PHF8: variants seen among roughly 807,000 people sequenced by gnomAD.
The protein encoded by PHF8 is histone lysine demethylase PHF8.
PHF8 carries 9 observed loss-of-function variants against 74.4 expected under a neutral mutation model. That is an observed-to-expected ratio of 0.12 (90% confidence interval 0.07 to 0.21). The LOEUF (loss-of-function observed/expected upper bound fraction) is 0.21, where lower values mean the gene tolerates loss of function less well. Ranked by LOEUF, PHF8 falls within the 10% of genes least tolerant of loss-of-function variation. The pLI is 1.00. For synonymous variants in PHF8, 311 were observed against 316.6 expected, an observed-to-expected ratio of 0.98 and a Z score of 0.19; for missense variants, 478 against 816.6, an observed-to-expected ratio of 0.59 and a Z score of 5.05.
At chrX:54,031,978 G>A (rs1408358036) in intron 2 of PHF8, among the ~76,000 whole-genome samples, 2 of 110,740 alleles carry the variant, frequency 1.8e-5, no homozygotes, top group Non-Finnish European at 3.8e-5. Flanking sequence ...GCTGGTCCAG[G>A]GACCACACTT....
chrX:54,012,780 A>G (rs2066001823), intron 7 of PHF8, among the ~76,000 whole-genome samples: 1 of 109,815 alleles, frequency 9.1e-6, no homozygotes, highest in South Asian at 3.9e-4. Context: ...TACAAAAATA[A>G]TTTTTTTTAA....
intron 2 of PHF8, among the ~76,000 whole-genome samples, chrX:54,032,076 C>T (rs781807779): frequency 1.1e-3 from 123 of 111,633 alleles, no homozygotes; most frequent in Admixed American, 1.9e-3. Context: ...AGAGCCAAAA[C>T]CTAAATCAGA....
At position 53,939,227 on chromosome X, in the gene PHF8, G is replaced by A; in HGVS notation, c.3006C>T (p.Gly1002=). The A allele has an allele frequency of 8.3e-7, 1 of 1,208,974 alleles. No individual in the cohort carries two copies. The highest frequency in any genetic ancestry group is 2.2e-5 in the Admixed American group (1 of 45,926). ...QAGQGKRPKK[G]LATAKQRLGR... ...CGAGTCTCTGCTTTGCTGTGGCCAGGCCCTTTTTGGGACGCTTTCCTGTGG... is the reference window on the plus strand; with the variant it reads ...CGAGTCTCTGCTTTGCTGTGGCCAGACCCTTTTTGGGACGCTTTCCTGTGG... Residue 1002 remains glycine, a synonymous_variant, in exon 22 of 22, where the codon GGC becomes GGT. Coordinates refer to ENST00000338154, the MANE Select transcript of PHF8 (RefSeq NM_015107.3).
chrX:53,985,448 C>T (rs1425491521), intron 17 of PHF8, among the ~76,000 whole-genome samples: 2 of 111,390 alleles, frequency 1.8e-5, no homozygotes, highest in Non-Finnish European at 3.8e-5. Flanking sequence ...TGTTGTCTCT[C>T]CACAGACAGC....
chrX:53,936,897 C>G lies in PHF8; in HGVS notation c.*2261G>C, dbSNP rs782462774. 124 of 111,033 alleles carry G rather than the reference C, an allele frequency of 1.1e-3. No homozygotes were observed. Among genetic ancestry groups the G allele is most frequent in the African/African-American group, 3.9e-3 (118 of 30,491 alleles). The allele number at this position is 111,033 out of a possible 1,213,427, so 9.2% of individuals were successfully genotyped here. Reference sequence around the variant, plus strand: ...TTTAGACATGTACAGAAGCGGTGGGCTTGTTTTTAAATTGTTTGCTTTTTT... The same window carrying G: ...TTTAGACATGTACAGAAGCGGTGGGGTTGTTTTTAAATTGTTTGCTTTTTT... On this transcript the variant is annotated 3_prime_UTR_variant, in exon 22 of 22. Coordinates refer to ENST00000338154, the MANE Select transcript of PHF8 (RefSeq NM_015107.3).
Position 53,993,672 on chromosome X carries a change from G to T in PHF8, c.1555C>A (p.Gln519Lys). 4 of 1,209,378 alleles carry T rather than the reference G, an allele frequency of 3.3e-6. No homozygotes were observed. The highest frequency in any genetic ancestry group is 4.5e-6 in the Non-Finnish European group (4 of 893,034). Residue 519 changes from glutamine (Q) to lysine (K), a missense_variant, in exon 13 of 22, where the codon CAG becomes AAG. Gln to Lys is a moderately conservative substitution (Grantham distance 53, BLOSUM62 1). This residue lies in a region of PHF8 where 153 missense variants were observed against 164.8 expected (regional missense o/e 0.93). Coordinates refer to ENST00000338154, the MANE Select transcript of PHF8 (RefSeq NM_015107.3). ...GTGTCCATGAGATTATAGCTCAACT[G>T]GCCAGCAGGCCCCAAGGCTGAACTC... ...KESSALGPAG[Q>K]LSYNLMDTYS... is the part of the protein sequence containing the mutation.
At chrX:54,002,368 CTCT>C in intron 9 of PHF8, 107 bp from the exon 10 acceptor site, 1 of 584,382 alleles carries the variant, frequency 1.7e-6, no homozygotes, top group Admixed American at 2.6e-5. Context: ...CTCAAAATGA[CTCT>C]GCAAGATCTG....
At chrX:54,002,749 C>A in intron 8 of PHF8, 67 bp from the exon 9 acceptor site, 1 of 725,476 alleles carries the variant, frequency 1.4e-6, no homozygotes, top group East Asian at 3.3e-5. Flanking sequence ...TCTCCACTAC[C>A]TACTCATCTC....
Position 54,013,375 on chromosome X carries a change from T to C in PHF8, c.783+1002A>G, listed in dbSNP as rs972849349. Among the ~76,000 whole-genome samples the C allele has an allele frequency of 1.4e-4, 16 of 111,671 alleles. No individual in the cohort carries two copies. In the Admixed American group the frequency reaches 1.5e-3, roughly 11 times the overall value. ...ATACAACTGACAAAATTCATCAAAT[T>C]GTACAATTAAAATGGATGAATTTTA... is the stretch of plus-strand genomic sequence containing the variant. On this transcript the variant is annotated intron_variant, in intron 7 of 21. Transcript: ENST00000338154.
intron 12 of PHF8, 126 bp downstream of exon 12, chrX:53,995,567 T>C: frequency 2.0e-6 from 1 of 503,488 alleles, no homozygotes; most frequent in Non-Finnish European, 3.6e-6. Context: ...ACGAATGAAT[T>C]GGGTCTTTGG....
intron 17 of PHF8, 73 bp downstream of exon 17, chrX:53,985,743 A>C (rs1331924969): frequency 2.5e-6 from 3 of 1,204,884 alleles, no homozygotes; most frequent in African/African-American, 3.5e-5. Context: ...TGATTGGCTG[A>C]CCTGGCACCT....
intron 2 of PHF8, among the ~76,000 whole-genome samples, chrX:54,039,324 T>G (rs2066514771): frequency 8.9e-6 from 1 of 111,758 alleles, no homozygotes; most frequent in African/African-American, 3.2e-5. Context: ...TGTGTTTCTG[T>G]GAGCAATGCA....
intron 1 of PHF8, among the ~76,000 whole-genome samples, chrX:54,043,430 T>G (rs2066597612): frequency 9.0e-6 from 1 of 111,031 alleles, no homozygotes; most frequent in South Asian, 3.8e-4. Flanking sequence ...ATATCATTCC[T>G]TCCCCGACCA....
intron 14 of PHF8, among the ~76,000 whole-genome samples, chrX:53,991,286 T>C (rs1459705307): frequency 1.8e-5 from 2 of 112,267 alleles, no homozygotes; most frequent in South Asian, 3.7e-4. Context: ...GTGCTCATTG[T>C]ACAAAATTCA....
chrX:54,009,304 T>C (rs1378656036), intron 8 of PHF8, among the ~76,000 whole-genome samples: 2 of 111,638 alleles, frequency 1.8e-5, no homozygotes, highest in Admixed American at 1.9e-4. Context: ...ATATTTAAGA[T>C]GTATCTCAAT....
chrX:53,972,410 A>C (rs1316704161), intron 18 of PHF8, among the ~76,000 whole-genome samples: 1 of 109,992 alleles, frequency 9.1e-6, no homozygotes, highest in Non-Finnish European at 1.9e-5. Context: ...ATAAAATATG[A>C]GCAAACTGAA....
At chrX:53,950,635 G>T (rs1028295004) in intron 19 of PHF8, among the ~76,000 whole-genome samples, 1 of 112,222 alleles carries the variant, frequency 8.9e-6, no homozygotes, top group Admixed American at 9.5e-5. Flanking sequence ...AGCACTCACT[G>T]GTTCCAGGCA....
chrX:53,954,156 C>A (rs1432998047), intron 19 of PHF8, among the ~76,000 whole-genome samples: 1 of 111,287 alleles, frequency 9.0e-6, no homozygotes, highest in East Asian at 2.8e-4. Flanking sequence ...ATAATAATAG[C>A]TGGAGACTTC....
At chrX:54,043,656 G>GC (rs201908244) in intron 1 of PHF8, 106 bp downstream of exon 1, 4,552 of 167,597 alleles carry the variant, frequency 0.027, 244 homozygotes, top group African/African-American at 0.14. Context: ...TTTCCTTGCA[G>GC]CCCCCCCTCA....
Sources: allele counts gnomAD v4.1 joint callset (sites outside exome capture counted in the v4.1 genomes callset), GRCh38; gene constraint gnomAD v4.1.1; regional missense constraint gnomAD v4.1.1; transcripts MANE v1.5; gene names NCBI Gene and HGNC (gene_info 2026-07-23, HGNC 2026-07-21).